MTAP: variants seen among roughly 807,000 people sequenced by gnomAD.
MTAP encodes methylthioadenosine phosphorylase.
A neutral mutation model predicts 33.6 loss-of-function variants in MTAP; 33 were observed. The observed-to-expected ratio is 0.98, with a 90% CI of 0.74 to 1.31. The LOEUF (loss-of-function observed/expected upper bound fraction) is 1.31, where lower values mean the gene tolerates loss of function less well. Ranked by LOEUF, MTAP falls within the 40% of genes most tolerant of loss-of-function variation. The pLI, the probability that MTAP is intolerant of heterozygous loss-of-function variation, is 0.00. For missense variants in MTAP, 367 were observed against 360.0 expected, an observed-to-expected ratio of 1.02 and a Z score of -0.16; for synonymous variants, 148 against 125.7, an observed-to-expected ratio of 1.18 and a Z score of -1.19.
rs1346584916 is a variant in MTAP at position 21,862,191 on chromosome 9, G to A, written c.*177G>A. 1.5e-6 allele frequency: 2 copies of A among 1,356,024 alleles called. No homozygotes were observed. Among genetic ancestry groups the A allele is most frequent in the Admixed American group, 3.4e-5 (1 of 29,298 alleles). 84.0% of individuals were successfully genotyped at this position (1,356,024 alleles called of 1,614,324 possible). On this transcript the variant is annotated 3_prime_UTR_variant, in exon 8 of 8. Coordinates refer to ENST00000644715, the MANE Select transcript of MTAP (RefSeq NM_002451.4). Reference sequence around the variant, plus strand: ...GTATTAGAGACTCCTGAATGATTTAGACAACTTCAAAATACAGAAGAAAAG... The same window carrying A: ...GTATTAGAGACTCCTGAATGATTTAAACAACTTCAAAATACAGAAGAAAAG...
At chr9:21,915,740 A>G (rs1325341607) in intron 1 of MTAP, among the ~76,000 whole-genome samples, 1 of 152,132 alleles carries the variant, frequency 6.6e-6, no homozygotes, top group Non-Finnish European at 1.5e-5. Context: ...TTTTTTAAAA[A>G]GCGGAGCAGC....
At chr9:21,847,828 C>T (rs1280323397) in intron 5 of MTAP, among the ~76,000 whole-genome samples, 1 of 152,196 alleles carries the variant, frequency 6.6e-6, no homozygotes, top group Non-Finnish European at 1.5e-5. Flanking sequence ...AAAACAGACA[C>T]AAGCTCTTAT....
At chr9:21,839,733 A>T (rs1189612324) in intron 5 of MTAP, among the ~76,000 whole-genome samples, 1 of 152,242 alleles carries the variant, frequency 6.6e-6, no homozygotes, top group South Asian at 2.1e-4. Context: ...ATGATCTTTC[A>T]TGTACTGATG....
intron 1 of MTAP, among the ~76,000 whole-genome samples, chr9:21,928,059 T>C (rs911992572): frequency 2.8e-4 from 43 of 152,164 alleles, no homozygotes; most frequent in African/African-American, 1.0e-3. Flanking sequence ...GGGACTTTAC[T>C]CCCCTCTCTC....
chr9:21,802,657 G>T lies in MTAP; in HGVS notation c.-92G>T. The T allele has an allele frequency of 2.1e-6, 3 of 1,449,366 alleles. No individual in the cohort carries two copies. Among genetic ancestry groups the T allele is most frequent in the South Asian group, 1.2e-5 (1 of 85,024 alleles). 89.8% of individuals were successfully genotyped at this position (1,449,366 alleles called of 1,614,324 possible). A position where few individuals can be genotyped will look rare whatever the true frequency, so the allele number is the denominator to read the frequency against. ...TGGTCTCCGCACTGCTCACTCCCGCGCAGTGAGGTTGGCACAGCCACCGCT... is the reference window on the plus strand; with the variant it reads ...TGGTCTCCGCACTGCTCACTCCCGCTCAGTGAGGTTGGCACAGCCACCGCT... On this transcript the variant is annotated 5_prime_UTR_variant, in exon 1 of 8. Coordinates refer to ENST00000644715, the MANE Select transcript of MTAP (RefSeq NM_002451.4).
chr9:21,859,445 A>C lies in MTAP; in HGVS notation c.813+20A>C, dbSNP rs781250304. ...CTGAAGGTAAGTGTCAGCCATGGAC[A>C]ATCAGGCATGTCTGTAGACTCTCTA... On this transcript the variant is annotated intron_variant, in intron 7 of 7. Transcript: ENST00000644715. The C allele has an allele frequency of 2.5e-6, 4 of 1,600,402 alleles. No homozygotes were observed. Among genetic ancestry groups the C allele is most frequent in the African/African-American group, 1.4e-5 (1 of 74,068 alleles).
At chr9:21,908,988 C>T (rs1004140681) in intron 1 of MTAP, among the ~76,000 whole-genome samples, 2 of 151,978 alleles carry the variant, frequency 1.3e-5, no homozygotes, top group African/African-American at 4.8e-5. Context: ...AGTGTTATAA[C>T]TTTTGCTTAA....
At chr9:21,806,735 C>T (rs141285642) in intron 1 of MTAP, among the ~76,000 whole-genome samples, 279 of 152,244 alleles carry the variant, frequency 1.8e-3, no homozygotes, top group Middle Eastern at 0.01. Flanking sequence ...CCTCCAGCAT[C>T]AGCCAAGGGC....
intron 1 of MTAP, among the ~76,000 whole-genome samples, chr9:21,926,610 G>T (rs949600202): frequency 3.9e-5 from 6 of 152,160 alleles, no homozygotes; most frequent in East Asian, 1.9e-4. Context: ...CTTCCGCAAG[G>T]TTCCAGAGAT....
chr9:21,826,123 TACACAAAAGAA>T (rs1313854508), intron 4 of MTAP, among the ~76,000 whole-genome samples: 1 of 152,030 alleles, frequency 6.6e-6, no homozygotes, highest in East Asian at 1.9e-4. Flanking sequence ...TTTAAACATA[TACACAAAAGAA>T]TAATAATCAG....
chr9:21,810,042 A>G (rs902798340), intron 1 of MTAP, among the ~76,000 whole-genome samples: 1 of 152,258 alleles, frequency 6.6e-6, no homozygotes, highest in Non-Finnish European at 1.5e-5. Flanking sequence ...CGCTTGCATC[A>G]TCCAAGCTTC....
chr9:21,920,893 G>C (rs1483692378), intron 1 of MTAP, among the ~76,000 whole-genome samples: 1 of 152,012 alleles, frequency 6.6e-6, no homozygotes, highest in African/African-American at 2.4e-5. Context: ...CTGTGTCTTT[G>C]TCCAATTTTG....
chr9:21,821,017 G>C (rs1014599034), intron 4 of MTAP, among the ~76,000 whole-genome samples: 4 of 152,196 alleles, frequency 2.6e-5, no homozygotes, highest in Non-Finnish European at 5.9e-5. Flanking sequence ...ATCTTAAGGA[G>C]ATTTTGGGCT....
At position 21,863,185 on chromosome 9, in the gene MTAP, T is replaced by C; in HGVS notation, c.*1171T>C. 3.1e-6 allele frequency: 3 copies of C among 959,098 alleles called. No homozygotes were observed. The highest frequency in any genetic ancestry group is 2.5e-6 in the Non-Finnish European group (2 of 806,020). 59.4% of individuals were successfully genotyped at this position (959,098 alleles called of 1,614,324 possible). ...TAAATGCACATTTTATGGTATCTGA[T>C]ATTTTAAAAAGTAATGTTTGATTCT... On this transcript the variant is annotated 3_prime_UTR_variant, in exon 8 of 8. Coordinates refer to ENST00000644715, the MANE Select transcript of MTAP (RefSeq NM_002451.4).
intron 1 of MTAP, among the ~76,000 whole-genome samples, chr9:21,917,533 A>C (rs1189577074): frequency 6.6e-6 from 1 of 152,236 alleles, no homozygotes; most frequent in East Asian, 1.9e-4. Context: ...AAATTAAACC[A>C]CAAAGAGTTA....
rs942256462 is a variant in MTAP, at chr9:21,864,011, G to T, written c.*1997G>T. 1 of 985,506 alleles carries T rather than the reference G, an allele frequency of 1.0e-6. No individual in the cohort carries two copies. Among genetic ancestry groups the T allele is most frequent in the African/African-American group, 1.7e-5 (1 of 57,218 alleles). 61.0% of individuals were successfully genotyped at this position (985,506 alleles called of 1,614,324 possible). ...CCCAGGCTTCTCTAGCTCTGGTAAC[G>T]TGTGATTGTTTTCACTACAATATGA... On this transcript the variant is annotated 3_prime_UTR_variant, in exon 8 of 8. Coordinates refer to ENST00000644715, the MANE Select transcript of MTAP (RefSeq NM_002451.4).
chr9:21,829,960 G>A (rs1326059250), intron 4 of MTAP, among the ~76,000 whole-genome samples: 1 of 152,036 alleles, frequency 6.6e-6, no homozygotes, highest in Middle Eastern at 3.4e-3. Flanking sequence ...CTACATTACA[G>A]CTGATGAAGT....
intron 5 of MTAP, among the ~76,000 whole-genome samples, chr9:21,852,754 C>A (rs928863293): frequency 6.7e-6 from 1 of 149,734 alleles, no homozygotes; most frequent in Non-Finnish European, 1.5e-5. Context: ...TGGGAAGGGA[C>A]AGTGGTTTTC....
intron 1 of MTAP, among the ~76,000 whole-genome samples, chr9:21,904,231 C>A (rs564119083): frequency 6.6e-6 from 1 of 152,322 alleles, no homozygotes; most frequent in Admixed American, 6.5e-5. Flanking sequence ...ATGTGGTCCT[C>A]TCCACGTTCA....
Sources: allele counts gnomAD v4.1 joint callset (sites outside exome capture counted in the v4.1 genomes callset), GRCh38; gene constraint gnomAD v4.1.1; transcripts MANE v1.5; gene names NCBI Gene and HGNC (gene_info 2026-07-23, HGNC 2026-07-21).